Variants in USP31 observed in about 807,000 individuals in gnomAD.
The protein encoded by USP31 is ubiquitin specific peptidase 31.
In USP31, 44 loss-of-function variants were observed where a neutral mutation model predicts 119.4. That is an observed-to-expected ratio of 0.37 (90% CI 0.29 to 0.47). The LOEUF (loss-of-function observed/expected upper bound fraction) is 0.47, where lower values mean the gene tolerates loss of function less well. USP31 is among the 20% of genes least tolerant of loss of function. The pLI is 0.99. For missense variants in USP31, 1,643 were observed against 1,730.2 expected (o/e 0.95, Z 0.89); for synonymous variants, 749 against 705.6 (o/e 1.06, Z -0.97).
At chr16:23,102,260 G>T (rs1901909195) in intron 6 of USP31, 59 bp downstream of exon 6, 1 of 1,538,352 alleles carries the variant, frequency 6.5e-7, no homozygotes, top group African/African-American at 1.4e-5. Context: ...AACTAAAAAG[G>T]TAGACTATAG....
In USP31 at chr16:23,148,702, AGC is replaced by A. The variant is rs1903607463; in HGVS notation, c.567_568del (p.Gln189HisfsTer39). On this transcript the variant is annotated frameshift_variant, in exon 1 of 16. Transcript: ENST00000219689. LOFTEE classifies it high-confidence loss of function. Reference sequence around the variant, plus strand: ...CCAGAGGGCCCGCACCAGGTGCGCCAGCTGCTCAGTGACCTCGCCCTGGCCCT... The same window carrying A: ...CCAGAGGGCCCGCACCAGGTGCGCCATGCTCAGTGACCTCGCCCTGGCCCT... 8 of 1,493,642 alleles carry A rather than the reference AGC, an allele frequency of 5.4e-6. No homozygotes were observed. The highest frequency in any genetic ancestry group is 7.1e-6 in the Non-Finnish European group (8 of 1,124,506). 92.5% of individuals were successfully genotyped at this position (1,493,642 alleles called of 1,614,324 possible).
chr16:23,132,836 C>G (rs1903071002), intron 1 of USP31, among the ~76,000 whole-genome samples: 1 of 152,202 alleles, frequency 6.6e-6, no homozygotes, highest in Non-Finnish European at 1.5e-5. Flanking sequence ...TTCCAATCGT[C>G]AAGAGTGCCA....
rs141685981 is a variant in USP31, at chr16:23,136,210, G to T, written c.633+12428C>A. On this transcript the variant is annotated intron_variant, in intron 1 of 15. Transcript: ENST00000219689. ...TTAATACAAAAATTAATTCAAAATG[G>T]ATCAAAAACCTAAACATAAGAACTA... 8.3e-3 allele frequency among the ~76,000 whole-genome samples: 1,266 copies of T among 152,144 alleles called. 8 individuals carry two copies. Among genetic ancestry groups the T allele is most frequent in the Non-Finnish European group, 0.012 (827 of 67,998 alleles).
intron 1 of USP31, 49 bp downstream of exon 1, chr16:23,148,589 G>A (rs1366424424): frequency 2.1e-6 from 3 of 1,412,994 alleles, no homozygotes; most frequent in East Asian, 6.0e-5. Context: ...GCGGGCAGGT[G>A]CCCCAGGGGC....
intron 15 of USP31, among the ~76,000 whole-genome samples, chr16:23,071,204 A>T (rs1467157903): frequency 6.6e-6 from 1 of 152,230 alleles, no homozygotes; most frequent in Admixed American, 6.5e-5. Context: ...TTCACCTGGC[A>T]TTCTTCTTCC....
chr16:23,117,751 C>CTTTTTTTTTTTTTTTTTTTTTTTTT (rs67615111), intron 1 of USP31, among the ~76,000 whole-genome samples: 1 of 141,592 alleles, frequency 7.1e-6, no homozygotes, highest in African/African-American at 2.6e-5. Flanking sequence ...TTTTCCTTTT[C>CTTTTTTTTTTTTTTTTTTTTTTTTT]TTTTTTTTTT....
intron 6 of USP31, among the ~76,000 whole-genome samples, chr16:23,093,328 A>G (rs1317070652): frequency 6.6e-6 from 1 of 152,180 alleles, no homozygotes; most frequent in Non-Finnish European, 1.5e-5. Context: ...AACTCAACAA[A>G]AACAACTCAA....
chr16:23,094,971 G>A (rs985295721), intron 6 of USP31, among the ~76,000 whole-genome samples: 8 of 152,256 alleles, frequency 5.3e-5, no homozygotes, highest in East Asian at 3.9e-4. Flanking sequence ...GCAGTTCCTC[G>A]CCAGCAATGG....
chr16:23,140,556 A>G (rs1903324482), intron 1 of USP31, among the ~76,000 whole-genome samples: 1 of 152,200 alleles, frequency 6.6e-6, no homozygotes, highest in Non-Finnish European at 1.5e-5. Flanking sequence ...GCAACTTAGA[A>G]TGTCGTCTCT....
At chr16:23,139,446 T>A (rs1300158564) in intron 1 of USP31, among the ~76,000 whole-genome samples, 1 of 152,232 alleles carries the variant, frequency 6.6e-6, no homozygotes, top group Non-Finnish European at 1.5e-5. Flanking sequence ...CTGATATTTC[T>A]GCAGCTCTAC....
At chr16:23,109,162 T>C (rs1173206039) in intron 1 of USP31, among the ~76,000 whole-genome samples, 1 of 152,218 alleles carries the variant, frequency 6.6e-6, no homozygotes. Context: ...TATATAAACT[T>C]GGGTTCACAT....
At chr16:23,096,561 A>C (rs566093786) in intron 6 of USP31, among the ~76,000 whole-genome samples, 11 of 152,344 alleles carry the variant, frequency 7.2e-5, no homozygotes, top group African/African-American at 2.4e-4. Flanking sequence ...ACCACATCGC[A>C]CTTATTCTAA....
At chr16:23,122,333 G>C (rs1451281414) in intron 1 of USP31, among the ~76,000 whole-genome samples, 1 of 152,158 alleles carries the variant, frequency 6.6e-6, no homozygotes, top group East Asian at 1.9e-4. Flanking sequence ...ATGAGGATAT[G>C]GAAAAACTGG....
chr16:23,114,104 CAA>C (rs543474229), intron 1 of USP31, among the ~76,000 whole-genome samples: 1 of 135,358 alleles, frequency 7.4e-6, no homozygotes, highest in African/African-American at 2.7e-5. Context: ...GACCCTTACT[CAA>C]AAAAAAAAAA....
chr16:23,129,493 T>C (rs768054765), intron 1 of USP31, among the ~76,000 whole-genome samples: 106 of 152,148 alleles, frequency 7.0e-4, no homozygotes, highest in Non-Finnish European at 2.1e-4. Flanking sequence ...TAAATATTTA[T>C]GGGTGAAATA....
chr16:23,078,832 G>A (rs1349687792), intron 13 of USP31: 2 of 152,126 alleles, frequency 1.3e-5, no homozygotes, highest in African/African-American at 4.8e-5. Flanking sequence ...AACACGTCAA[G>A]TATATACTAC....
intron 1 of USP31, among the ~76,000 whole-genome samples, chr16:23,118,149 TG>T (rs761492619): frequency 6.6e-6 from 1 of 152,128 alleles, no homozygotes; most frequent in African/African-American, 2.4e-5. Flanking sequence ...TTCTGCAAAA[TG>T]GGAATGGTGA....
intron 1 of USP31, among the ~76,000 whole-genome samples, chr16:23,125,104 G>GGTTGGTTGGTGT (rs1290156781): frequency 8.5e-5 from 13 of 152,280 alleles, no homozygotes; most frequent in African/African-American, 2.9e-4. Context: ...TCACAGGCTG[G>GGTTGGTTGGTGT]GTTGGTTGGT....
chr16:23,098,593 A>T (rs1901717358), intron 6 of USP31, among the ~76,000 whole-genome samples: 1 of 152,224 alleles, frequency 6.6e-6, no homozygotes, highest in African/African-American at 2.4e-5. Context: ...TACAGTAACC[A>T]AAACAGCATG....
Sources: allele counts gnomAD v4.1 joint callset (sites outside exome capture counted in the v4.1 genomes callset), GRCh38; gene constraint gnomAD v4.1.1; transcripts MANE v1.5; gene names NCBI Gene and HGNC (gene_info 2026-07-23, HGNC 2026-07-21).